The following ASAP1 variants were observed in gnomAD, a reference collection of about 807,000 sequenced individuals.
The protein encoded by ASAP1 is ArfGAP with SH3 domain, ankyrin repeat and PH domain 1, also known as arf-GAP with SH3 domain, ANK repeat and PH domain-containing protein 1.
Under a neutral mutation model 145.2 loss-of-function variants are expected in ASAP1, and 43 were observed. The observed-to-expected ratio is 0.30, with a 90% CI of 0.23 to 0.38. The LOEUF is 0.38. ASAP1 is among the 10% of genes least tolerant of loss of function. The probability of loss-of-function intolerance (pLI) is 1.00; values close to 1 mark genes in which losing one functional copy is unlikely to be tolerated. For missense variants in ASAP1, 1,018 were observed against 1,355.3 expected, an observed-to-expected ratio of 0.75 and a Z score of 3.91; for synonymous variants, 546 against 515.5, an observed-to-expected ratio of 1.06 and a Z score of -0.80.
At chr8:130,289,211 A>C (rs2005040) in intron 3 of ASAP1, among the ~76,000 whole-genome samples, 66,876 of 151,902 alleles carry the variant, frequency 0.44, 15,067 homozygotes, top group Admixed American at 0.5. Flanking sequence ...AACAAACAAA[A>C]AAAAAAACTA....
At chr8:130,210,770 A>C (rs982537039) in intron 5 of ASAP1, among the ~76,000 whole-genome samples, 6 of 152,168 alleles carry the variant, frequency 3.9e-5, no homozygotes, top group Admixed American at 3.3e-4. Flanking sequence ...GCAGGTATAT[A>C]TTTTTTGAAG....
intron 3 of ASAP1, among the ~76,000 whole-genome samples, chr8:130,256,739 T>TATATATATATATATATATA (rs1565142439): frequency 2.1e-5 from 2 of 95,904 alleles, no homozygotes; most frequent in Non-Finnish European, 4.0e-5. Flanking sequence ...ATACACATTC[T>TATATATATATATATATATA]TATATATATA....
intron 3 of ASAP1, among the ~76,000 whole-genome samples, chr8:130,248,042 CTGAT>C (rs1399523847): frequency 2.6e-5 from 4 of 152,078 alleles, no homozygotes; most frequent in Non-Finnish European, 5.9e-5. Context: ...CTGAGAGTGA[CTGAT>C]TGGTAGAAAA....
At chr8:130,423,025 A>C in intron 1 of ASAP1, among the ~76,000 whole-genome samples, 1 of 152,260 alleles carries the variant, frequency 6.6e-6, no homozygotes. Flanking sequence ...ATCCAAGTCT[A>C]TGTATAAGCA....
At chr8:130,370,025 G>A (rs1827138604) in intron 2 of ASAP1, among the ~76,000 whole-genome samples, 1 of 152,324 alleles carries the variant, frequency 6.6e-6, no homozygotes, top group South Asian at 2.1e-4. Flanking sequence ...CCCAGGCCGG[G>A]CACAGTGGCT....
chr8:130,290,760 C>T (rs542577642), intron 3 of ASAP1, among the ~76,000 whole-genome samples: 1 of 152,310 alleles, frequency 6.6e-6, no homozygotes, highest in South Asian at 2.1e-4. Context: ...AAATCCTTAA[C>T]AGGATAATGA....
At chr8:130,082,074 A>C (rs2097481756) in intron 25 of ASAP1, among the ~76,000 whole-genome samples, 1 of 152,148 alleles carries the variant, frequency 6.6e-6, no homozygotes, top group African/African-American at 2.4e-5. Flanking sequence ...TCTAGCACCT[A>C]TCACCTCCTG....
At chr8:130,110,128 T>C (rs775828764) in intron 24 of ASAP1, among the ~76,000 whole-genome samples, 3 of 152,202 alleles carry the variant, frequency 2.0e-5, no homozygotes, top group Non-Finnish European at 4.4e-5. Flanking sequence ...ATGAGAGATA[T>C]GCCTGGCACA....
intron 1 of ASAP1, among the ~76,000 whole-genome samples, chr8:130,415,203 G>A (rs1289564829): frequency 6.6e-6 from 1 of 152,242 alleles, no homozygotes; most frequent in African/African-American, 2.4e-5. Context: ...GGAAACTGGG[G>A]ATGCCTTTTA....
intron 29 of ASAP1, among the ~76,000 whole-genome samples, chr8:130,057,386 A>C (rs1039818274): frequency 2.0e-5 from 3 of 152,246 alleles, no homozygotes; most frequent in African/African-American, 7.2e-5. Flanking sequence ...ACAAGGTTAC[A>C]TGATACCATG....
intron 3 of ASAP1, among the ~76,000 whole-genome samples, chr8:130,305,109 A>C (rs937927738): frequency 2.0e-5 from 3 of 152,100 alleles, no homozygotes; most frequent in African/African-American, 7.2e-5. Flanking sequence ...TCACAACTTA[A>C]GTTTGCTCAT....
intron 3 of ASAP1, among the ~76,000 whole-genome samples, chr8:130,353,892 AT>A (rs1028498877): frequency 2.0e-4 from 29 of 146,114 alleles, no homozygotes; most frequent in Admixed American, 5.5e-4. Context: ...AGGGAGTGAG[AT>A]TTTTTTTTTT....
intron 3 of ASAP1, among the ~76,000 whole-genome samples, chr8:130,301,669 C>A (rs1483183335): frequency 1.3e-5 from 2 of 152,118 alleles, no homozygotes; most frequent in Non-Finnish European, 2.9e-5. Context: ...CTAATGTAAC[C>A]AGAAATATAT....
At chr8:130,176,175 G>A (rs577023424) in intron 9 of ASAP1, among the ~76,000 whole-genome samples, 8 of 152,304 alleles carry the variant, frequency 5.3e-5, no homozygotes, top group Admixed American at 5.2e-4. Flanking sequence ...GAAGTGTCGT[G>A]ACTATTACTA....
chr8:130,262,857 G>A (rs936531224), intron 3 of ASAP1, among the ~76,000 whole-genome samples: 3 of 152,054 alleles, frequency 2.0e-5, no homozygotes, highest in East Asian at 1.9e-4. Context: ...TGAATGACGC[G>A]CTAATGAAAA....
chr8:130,133,439 G>A (rs557599320), intron 15 of ASAP1, among the ~76,000 whole-genome samples: 30 of 152,000 alleles, frequency 2.0e-4, no homozygotes, highest in African/African-American at 7.2e-4. Context: ...GGTGGATCAT[G>A]AGGTCAGGAG....
At chr8:130,164,148 G>A (rs887074489) in intron 11 of ASAP1, among the ~76,000 whole-genome samples, 4 of 152,184 alleles carry the variant, frequency 2.6e-5, no homozygotes, top group Non-Finnish European at 4.4e-5. Flanking sequence ...ACTGTGACAT[G>A]AGTAAAACAG....
intron 3 of ASAP1, among the ~76,000 whole-genome samples, chr8:130,335,064 G>C (rs1021487998): frequency 5.9e-5 from 9 of 152,186 alleles, no homozygotes; most frequent in African/African-American, 2.2e-4. Flanking sequence ...AACGATCACT[G>C]ATTTATTCTC....
chr8:130,138,256 G>T (rs2097599942), intron 13 of ASAP1, among the ~76,000 whole-genome samples: 1 of 152,118 alleles, frequency 6.6e-6, no homozygotes, highest in Admixed American at 6.5e-5. Context: ...CATTTTTCAA[G>T]ATCTTTCTCC....
Sources: allele counts gnomAD v4.1 joint callset (sites outside exome capture counted in the v4.1 genomes callset), GRCh38; gene constraint gnomAD v4.1.1; transcripts MANE v1.5; gene names NCBI Gene and HGNC (gene_info 2026-07-23, HGNC 2026-07-21).